The following ASTN2 variants were observed in gnomAD, a reference collection of about 807,000 sequenced individuals.
The protein encoded by ASTN2 is astrotactin 2.
In ASTN2, 54 loss-of-function variants were observed where a neutral mutation model predicts 139.8. The ratio of observed to expected loss-of-function variants is 0.39; its 90% CI spans 0.31 to 0.48. The LOEUF is 0.48. Ranked by LOEUF, ASTN2 falls within the 20% of genes least tolerant of loss-of-function variation. The pLI is 0.95. For missense variants in ASTN2, 1,565 were observed against 1,725.1 expected (o/e 0.91, Z 1.64); for synonymous variants, 756 against 719.5 (o/e 1.05, Z -0.81).
intron 5 of ASTN2, among the ~76,000 whole-genome samples, chr9:117,065,948 A>ACGCCTGTAATCCCAGCAC (rs1827924752): frequency 6.6e-6 from 1 of 152,058 alleles, no homozygotes; most frequent in African/African-American, 2.4e-5. Context: ...TAGGTAGAAG[A>ACGCCTGTAATCCCAGCAC]TTAAATGAGA....
intron 19 of ASTN2, among the ~76,000 whole-genome samples, chr9:116,515,254 G>A (rs1850595226): frequency 6.6e-6 from 1 of 152,106 alleles, no homozygotes; most frequent in Non-Finnish European, 1.5e-5. Context: ...CTTTGTTCAG[G>A]GGTTTACCCC....
At chr9:116,725,451 G>A (rs1417671428) in intron 16 of ASTN2, among the ~76,000 whole-genome samples, 1 of 152,036 alleles carries the variant, frequency 6.6e-6, no homozygotes, top group African/African-American at 2.4e-5. Context: ...CCCCCAACCT[G>A]ATCTCTGGCA....
At chr9:116,717,336 C>T (rs563466781) in intron 16 of ASTN2, among the ~76,000 whole-genome samples, 5 of 152,192 alleles carry the variant, frequency 3.3e-5, no homozygotes, top group African/African-American at 1.2e-4. Context: ...AAACGGCAGT[C>T]TCATGGGCCT....
chr9:117,411,841 A>G (rs1831170313), intron 1 of ASTN2, among the ~76,000 whole-genome samples: 1 of 152,158 alleles, frequency 6.6e-6, no homozygotes, highest in Admixed American at 6.5e-5. Flanking sequence ...TGAACTGATA[A>G]GCTGATAGTG....
intron 17 of ASTN2, among the ~76,000 whole-genome samples, chr9:116,632,177 AG>A (rs1564168756): frequency 4.3e-4 from 9 of 20,836 alleles, no homozygotes; most frequent in African/African-American, 1.6e-3. Flanking sequence ...AGAGAGAGAG[AG>A]AGAGAGGGAG....
chr9:116,973,683 A>ACTT (rs1244277784), intron 10 of ASTN2, among the ~76,000 whole-genome samples: 2 of 152,164 alleles, frequency 1.3e-5, no homozygotes, highest in Non-Finnish European at 2.9e-5. Context: ...TGCAGAGAGA[A>ACTT]CTTAGCACAT....
At chr9:117,288,634 C>T (rs1471221377) in intron 2 of ASTN2, among the ~76,000 whole-genome samples, 5 of 152,178 alleles carry the variant, frequency 3.3e-5, no homozygotes, top group Non-Finnish European at 7.3e-5. Flanking sequence ...TCTCAGATTT[C>T]TCAGTTGTGA....
intron 4 of ASTN2, among the ~76,000 whole-genome samples, chr9:117,113,382 G>A (rs13283139): frequency 0.18 from 28,070 of 152,074 alleles, 2,938 homozygotes; most frequent in East Asian, 0.3. Context: ...TAGGCCAGGC[G>A]TGGTGGCTCA....
intron 19 of ASTN2, among the ~76,000 whole-genome samples, chr9:116,494,689 T>C (rs754095830): frequency 3.9e-5 from 6 of 152,226 alleles, no homozygotes. Flanking sequence ...TTGCTTAAAA[T>C]TCGATAAAAC....
In ASTN2 at chr9:117,414,653, C is replaced by A. The variant is rs1564192446; in HGVS notation, c.286G>T (p.Ala96Ser). 1 of 1,358,260 alleles carries A rather than the reference C, an allele frequency of 7.4e-7. No individual in the cohort carries two copies. Among genetic ancestry groups the A allele is most frequent in the Non-Finnish European group, 9.4e-7 (1 of 1,060,706 alleles). 84.1% of individuals were successfully genotyped at this position (1,358,260 alleles called of 1,614,324 possible). Residue 96 changes from alanine to serine, a missense_variant, in exon 1 of 23, where the codon GCC becomes TCC. Physicochemically the swap from Ala to Ser is moderately conservative, Grantham distance 99. Around this residue, in one of 4 missense-constraint regions of ASTN2, gnomAD observed 596 missense variants for 576.8 expected, o/e 1.03. Transcript: ENST00000313400. This position sits in a 1 kb window ranked among gnomAD's most constrained non-coding sequence, Gnocchi z 4.2. ...GACGCGGCGGCGGCGGCGGCTCCGG[C>A]CCCGGTCCCAGCCCCGGCCCCGGCG... The part of the protein sequence containing the change: ...ARAGAGAGTG[A>S]GAAAAAASPG...
At chr9:117,072,524 GAAGA>G (rs1236111350) in intron 5 of ASTN2, among the ~76,000 whole-genome samples, 3 of 152,206 alleles carry the variant, frequency 2.0e-5, no homozygotes, top group Non-Finnish European at 4.4e-5. Flanking sequence ...GAGATGAAAA[GAAGA>G]ATGAATCAAG....
intron 3 of ASTN2, among the ~76,000 whole-genome samples, chr9:117,145,476 T>C (rs925324072): frequency 1.3e-5 from 2 of 152,192 alleles, no homozygotes; most frequent in Non-Finnish European, 2.9e-5. Context: ...TGGGAGGAAT[T>C]TGAAGGTATT....
chr9:116,471,701 TA>T (rs748307090), intron 20 of ASTN2, among the ~76,000 whole-genome samples: 17 of 152,162 alleles, frequency 1.1e-4, no homozygotes, highest in Non-Finnish European at 2.1e-4. Context: ...AAGGGCCTAC[TA>T]GGTGCCAGAA....
At chr9:116,763,534 A>G (rs1309882728) in intron 13 of ASTN2, among the ~76,000 whole-genome samples, 2 of 152,130 alleles carry the variant, frequency 1.3e-5, no homozygotes, top group South Asian at 2.1e-4. Flanking sequence ...GAGAATACCT[A>G]TGGAGGGTAT....
intron 10 of ASTN2, among the ~76,000 whole-genome samples, chr9:116,974,692 A>T (rs779429036): frequency 6.6e-6 from 1 of 151,990 alleles, no homozygotes; most frequent in Non-Finnish European, 1.5e-5. Context: ...TATTTTTAGT[A>T]CAGACCAAGT....
At chr9:117,313,838 A>G (rs1272397477) in intron 1 of ASTN2, among the ~76,000 whole-genome samples, 1 of 152,090 alleles carries the variant, frequency 6.6e-6, no homozygotes, top group East Asian at 1.9e-4. Flanking sequence ...AAGCTATAGA[A>G]AGCCTTGAAA....
intron 1 of ASTN2, among the ~76,000 whole-genome samples, chr9:117,349,521 C>T (rs898647550): frequency 6.6e-6 from 1 of 152,068 alleles, no homozygotes; most frequent in African/African-American, 2.4e-5. Context: ...GAGAGAGGAA[C>T]ACAAAGGTTC....
intron 10 of ASTN2, among the ~76,000 whole-genome samples, chr9:116,913,414 T>C (rs1417248765): frequency 6.6e-6 from 1 of 152,232 alleles, no homozygotes; most frequent in Non-Finnish European, 1.5e-5. Flanking sequence ...TTCTGTTTTC[T>C]CATCACCTTG....
At chr9:117,015,573 C>G (rs961011794) in intron 6 of ASTN2, among the ~76,000 whole-genome samples, 1 of 152,114 alleles carries the variant, frequency 6.6e-6, no homozygotes, top group African/African-American at 2.4e-5. Context: ...CCCCAGATAC[C>G]AAGTCTGGTG....
Sources: allele counts gnomAD v4.1 joint callset (sites outside exome capture counted in the v4.1 genomes callset), GRCh38; gene constraint gnomAD v4.1.1; regional missense constraint gnomAD v4.1.1; non-coding constraint Gnocchi (gnomAD v3.1); transcripts MANE v1.5; gene names NCBI Gene and HGNC (gene_info 2026-07-23, HGNC 2026-07-21).